The following IMMP1L variants were observed in gnomAD, a reference collection of about 807,000 sequenced individuals.
The protein encoded by IMMP1L is inner mitochondrial membrane peptidase subunit 1.
In IMMP1L, 24 loss-of-function variants were observed where a neutral mutation model predicts 21.8. That is an observed-to-expected ratio of 1.10 (90% CI 0.80 to 1.55). The LOEUF (loss-of-function observed/expected upper bound fraction) is 1.55, where lower values mean the gene tolerates loss of function less well. Among genes scored for constraint, IMMP1L ranks in the 40% most tolerant of loss-of-function variants. IMMP1L has a pLI of 0.00. For synonymous variants in IMMP1L, 46 were observed against 62.8 expected (o/e 0.73, Z 1.26); for missense variants, 195 against 200.7 (o/e 0.97, Z 0.17).
chr11:31,437,216 G>A, intron 4 of IMMP1L: 3 of 418,640 alleles, frequency 7.2e-6, no homozygotes, highest in South Asian at 5.2e-5. Flanking sequence ...GCATATACAC[G>A]AGATATCCAG....
chr11:31,473,076 G>C (rs1317115977), intron 1 of IMMP1L, among the ~76,000 whole-genome samples: 1 of 151,858 alleles, frequency 6.6e-6, no homozygotes, highest in African/African-American at 2.4e-5. Context: ...TTGAGACGGA[G>C]TCTCGCTCTG....
chr11:31,454,377 T>C (rs975248026), intron 4 of IMMP1L, among the ~76,000 whole-genome samples: 2 of 134,486 alleles, frequency 1.5e-5, no homozygotes, highest in Non-Finnish European at 3.0e-5. Flanking sequence ...ATCTGAGCCC[T>C]GGAGGAGGAG....
At chr11:31,447,642 A>G (rs1369764020) in intron 4 of IMMP1L, among the ~76,000 whole-genome samples, 1 of 152,214 alleles carries the variant, frequency 6.6e-6, no homozygotes, top group East Asian at 1.9e-4. Context: ...TGCCATGCTA[A>G]GTGATTTATA....
At chr11:31,469,189 G>T (rs1954461365) in intron 1 of IMMP1L, among the ~76,000 whole-genome samples, 1 of 151,974 alleles carries the variant, frequency 6.6e-6, no homozygotes, top group Non-Finnish European at 1.5e-5. Flanking sequence ...TTATAAGCAT[G>T]CTATAAAATA....
intron 1 of IMMP1L, among the ~76,000 whole-genome samples, chr11:31,497,117 T>C (rs1411456366): frequency 6.6e-6 from 1 of 151,442 alleles, no homozygotes; most frequent in Non-Finnish European, 1.5e-5. Flanking sequence ...AACCTTATAA[T>C]GGGTTTATCA....
At chr11:31,452,106 G>T in intron 4 of IMMP1L, 1 of 487,540 alleles carries the variant, frequency 2.1e-6, no homozygotes, top group Non-Finnish European at 2.7e-6. Flanking sequence ...AGTCTAACTG[G>T]AATGAGTTCG....
chr11:31,434,972 AAAT>A (rs922159368), intron 4 of IMMP1L, among the ~76,000 whole-genome samples: 1 of 152,168 alleles, frequency 6.6e-6, no homozygotes, highest in Non-Finnish European at 1.5e-5. Context: ...AAAAGGAACA[AAAT>A]AATGAATTTG....
intron 1 of IMMP1L, among the ~76,000 whole-genome samples, chr11:31,466,297 C>T (rs181048239): frequency 2.0e-4 from 30 of 151,798 alleles, no homozygotes; most frequent in African/African-American, 6.8e-4. Context: ...ATTCATATAC[C>T]CTGTTAGTGG....
intron 1 of IMMP1L, among the ~76,000 whole-genome samples, chr11:31,484,866 A>C (rs1955021651): frequency 6.6e-6 from 1 of 151,920 alleles, no homozygotes; most frequent in South Asian, 2.1e-4. Flanking sequence ...TTTTTCCCAG[A>C]TGCAAATGTA....
chr11:31,472,179 A>G (rs962817389), intron 1 of IMMP1L, among the ~76,000 whole-genome samples: 1 of 152,224 alleles, frequency 6.6e-6, no homozygotes, highest in African/African-American at 2.4e-5. Context: ...CTCGTTTGCC[A>G]TGTAAGGCAA....
chr11:31,463,439 TTTG>T lies in IMMP1L; in HGVS notation c.-29-137_-29-135del, dbSNP rs1954220876. The stretch of plus-strand genomic sequence containing the variant: ...ACAATTTGGTGCAGGAAACCAAGAG[TTTG>T]TTATCAGTTCTAATGATATTTTAAA... On this transcript the variant is annotated intron_variant, in intron 1 of 5. Transcript: ENST00000532287. 7 of 759,856 alleles carry T rather than the reference TTTG, an allele frequency of 9.2e-6. No homozygotes were observed. In the Admixed American group the frequency reaches 2.3e-4, roughly 25 times the overall value. The allele number at this position is 759,856 out of a possible 1,614,324, so 47.1% of individuals were successfully genotyped here.
At chr11:31,502,977 A>G (rs1382922194) in intron 1 of IMMP1L, among the ~76,000 whole-genome samples, 1 of 152,200 alleles carries the variant, frequency 6.6e-6, no homozygotes, top group African/African-American at 2.4e-5. Flanking sequence ...TACACTGCAC[A>G]TTCTAACACA....
intron 1 of IMMP1L, among the ~76,000 whole-genome samples, chr11:31,467,933 C>A (rs1218975012): frequency 6.6e-6 from 1 of 151,986 alleles, no homozygotes; most frequent in East Asian, 1.9e-4. Context: ...ATCTGTGTAC[C>A]ATTCCTGCCA....
intron 4 of IMMP1L, among the ~76,000 whole-genome samples, chr11:31,447,458 T>C (rs552925190): frequency 6.6e-6 from 1 of 152,348 alleles, no homozygotes; most frequent in African/African-American, 2.4e-5. Context: ...AAGGTTTCTC[T>C]AATCCTTCTT....
chr11:31,503,692 A>C (rs999297683), intron 1 of IMMP1L, among the ~76,000 whole-genome samples: 1 of 152,234 alleles, frequency 6.6e-6, no homozygotes, highest in African/African-American at 2.4e-5. Flanking sequence ...TGAACAATAC[A>C]CAAAAATCAA....
At position 31,451,660 on chromosome 11, in the gene IMMP1L, AT is replaced by A. The variant is rs1953762437; in HGVS notation, c.321+4599del. Among the ~76,000 whole-genome samples the A allele has an allele frequency of 2.6e-5, 4 of 152,290 alleles. No individual in the cohort carries two copies. In the South Asian group the frequency reaches 8.3e-4, roughly 32 times the overall value. Reference sequence around the variant, plus strand: ...AGTAAGTTTGAGATGACCATTATTCATTAAAGTGAAGATATTAGACAATTAG... The same window carrying A: ...AGTAAGTTTGAGATGACCATTATTCATAAAGTGAAGATATTAGACAATTAG... On this transcript the variant is annotated intron_variant, in intron 4 of 5. Transcript: ENST00000532287.
rs751810542 is a variant in IMMP1L at position 31,432,471 on chromosome 11, A to G, written c.*29T>C. ...TAATAAATTCACATGAAAAGGAGAC[A>G]ATAATCAAGTCAAAAGAATAAATGC... On this transcript the variant is annotated 3_prime_UTR_variant, in exon 6 of 6. Transcript: ENST00000532287. 8 of 1,504,460 alleles carry G rather than the reference A, an allele frequency of 5.3e-6. No individual in the cohort carries two copies. Among genetic ancestry groups the G allele is most frequent in the Middle Eastern group, 4.5e-4 (2 of 4,438 alleles). 93.2% of individuals were successfully genotyped at this position (1,504,460 alleles called of 1,614,324 possible). A position where few individuals can be genotyped will look rare whatever the true frequency, so the allele number is the denominator to read the frequency against.
Position 31,437,185 on chromosome 11 carries a change from T to C in IMMP1L, c.322-3615A>G, listed in dbSNP as rs1953153009. ...GACCAGAAGTGTTTCAGGTTTCATA[T>C]ATTTAGATTTTGGAATATTTGCATA... On this transcript the variant is annotated intron_variant, in intron 4 of 5. Transcript: ENST00000532287. 3 of 442,600 alleles carry C rather than the reference T, an allele frequency of 6.8e-6. 1 individual carries two copies. Among genetic ancestry groups the C allele is most frequent in the Non-Finnish European group, 1.4e-5 (3 of 221,294 alleles). The allele number at this position is 442,600 out of a possible 1,614,324, so 27.4% of individuals were successfully genotyped here. A position where few individuals can be genotyped will look rare whatever the true frequency, so the allele number is the denominator to read the frequency against.
intron 1 of IMMP1L, among the ~76,000 whole-genome samples, chr11:31,501,891 T>C (rs931356290): frequency 6.6e-6 from 1 of 151,868 alleles, no homozygotes; most frequent in African/African-American, 2.4e-5. Context: ...AGCATGAGAA[T>C]TACTTGAACC....
Sources: allele counts gnomAD v4.1 joint callset (sites outside exome capture counted in the v4.1 genomes callset), GRCh38; gene constraint gnomAD v4.1.1; transcripts MANE v1.5; gene names NCBI Gene and HGNC (gene_info 2026-07-23, HGNC 2026-07-21).